The following TANC2 variants were observed in gnomAD, a reference collection of about 807,000 sequenced individuals.
TANC2 encodes the protein tetratricopeptide repeat, ankyrin repeat and coiled-coil containing 2.
TANC2 carries 26 observed loss-of-function variants against 210.5 expected under a neutral mutation model. The observed-to-expected ratio is 0.12, with a 90% CI of 0.09 to 0.17. The LOEUF is 0.17. TANC2 is among the 10% of genes least tolerant of loss of function. TANC2 has a pLI of 1.00. For missense variants in TANC2, 2,129 were observed against 2,608.9 expected (o/e 0.82, Z 4.01); for synonymous variants, 931 against 967.1 (o/e 0.96, Z 0.69).
At chr17:63,039,989 A>T in intron 2 of TANC2, among the ~76,000 whole-genome samples, 1 of 152,034 alleles carries the variant, frequency 6.6e-6, no homozygotes, top group Non-Finnish European at 1.5e-5. Flanking sequence ...TAGTTTTTAT[A>T]TTTTCTCTGT....
Position 63,418,324 on chromosome 17 carries a change from G to A in TANC2, c.4185G>A (p.Glu1395=), listed in dbSNP as rs2048927516. 1 of 1,613,272 alleles carries A rather than the reference G, an allele frequency of 6.2e-7. No individual in the cohort carries two copies. The highest frequency in any genetic ancestry group is 1.3e-5 in the African/African-American group (1 of 74,934). Residue 1395 remains glutamate (E), a synonymous_variant, in exon 27 of 28, where the codon GAG becomes GAA. Transcript: ENST00000689528. The surrounding 1 kb of genome is among the most constrained non-coding windows in gnomAD (Gnocchi z 4.6). ...AATGACAGGATTTTGGAATGGCGGA[G>A]GAATTTGCTACTAAGGCCCTGGAGC...
intron 11 of TANC2, among the ~76,000 whole-genome samples, chr17:63,335,794 C>A (rs537254340): frequency 6.6e-6 from 1 of 151,866 alleles, no homozygotes; most frequent in Admixed American, 6.6e-5. Context: ...ATAGTATTGC[C>A]AATGTTAATT....
chr17:63,426,100 C>G (rs973170370), exon 28 of TANC2: 3 of 152,406 alleles, frequency 2.0e-5, no homozygotes, highest in Non-Finnish European at 4.4e-5. Flanking sequence ...CTCGCACACC[C>G]TGCCTGTCTG....
chr17:62,984,433 T>A (rs148245849), intron 1 of TANC2, among the ~76,000 whole-genome samples: 3 of 152,222 alleles, frequency 2.0e-5, no homozygotes, highest in African/African-American at 7.2e-5. Flanking sequence ...CATTGATCTT[T>A]AGTATTTTTT....
intron 1 of TANC2, among the ~76,000 whole-genome samples, chr17:63,004,451 G>A (rs772314189): frequency 6.6e-6 from 1 of 152,138 alleles, no homozygotes; most frequent in Non-Finnish European, 1.5e-5. Flanking sequence ...CTTCCTGGGA[G>A]CCAAGAGGAA....
chr17:63,141,465 G>A (rs928468813), intron 4 of TANC2, among the ~76,000 whole-genome samples: 1 of 149,844 alleles, frequency 6.7e-6, no homozygotes, highest in African/African-American at 2.5e-5. Context: ...TACTCCAGAG[G>A]CTGAGGTGGG....
In TANC2 at chr17:63,071,139, C is replaced by CT. The variant is rs557761675; in HGVS notation, c.68-2798dup. Among the ~76,000 whole-genome samples, 13 of 152,204 alleles carry CT rather than the reference C, an allele frequency of 8.5e-5. No individual in the cohort carries two copies. The South Asian group carries it at 2.7e-3, about 32-fold the overall frequency. Reference sequence around the variant, plus strand: ...CTTACTTCTTTTCTTGTTAGAGCAGCTTTTTTCTTGAATTCCTTGTAAAGC... The same window carrying CT: ...CTTACTTCTTTTCTTGTTAGAGCAGCTTTTTTTCTTGAATTCCTTGTAAAGC... On this transcript the variant is annotated intron_variant, in intron 2 of 27. Coordinates refer to ENST00000689528, the Ensembl canonical transcript of TANC2.
chr17:63,388,631 T>C lies in TANC2; in HGVS notation c.2692-4T>C. 1 of 1,600,778 alleles carries C rather than the reference T, an allele frequency of 6.2e-7. No homozygotes were observed. Among genetic ancestry groups the C allele is most frequent in the Non-Finnish European group, 8.5e-7 (1 of 1,173,502 alleles). On this transcript the variant is annotated splice_region_variant and splice_polypyrimidine_tract_variant and intron_variant, in intron 15 of 27. Transcript: ENST00000689528. The stretch of plus-strand genomic sequence containing the variant: ...TAATTTAATTGTCTGTATTTCTTAT[T>C]CAGGGTTTGAGTAAAAAAGTTGGTG...
intron 16 of TANC2, 63 bp from the exon 17 acceptor site, chr17:63,389,245 A>G: frequency 3.1e-6 from 4 of 1,288,314 alleles, no homozygotes; most frequent in Non-Finnish European, 4.4e-6. Flanking sequence ...GGTTTAATAA[A>G]AGATGACTAA....
At chr17:63,119,495 CATT>C (rs2038379160) in intron 4 of TANC2, among the ~76,000 whole-genome samples, 1 of 152,064 alleles carries the variant, frequency 6.6e-6, no homozygotes, top group South Asian at 2.1e-4. Context: ...TTATATATGT[CATT>C]AATAACAAGA....
At chr17:63,091,017 TG>T (rs940860263) in intron 3 of TANC2, among the ~76,000 whole-genome samples, 1 of 152,130 alleles carries the variant, frequency 6.6e-6, no homozygotes, top group African/African-American at 2.4e-5. Flanking sequence ...TTTTGAGAAG[TG>T]TCTGTTCATA....
chr17:63,172,243 G>A (rs1379559808), intron 5 of TANC2, among the ~76,000 whole-genome samples: 1 of 148,072 alleles, frequency 6.8e-6, no homozygotes. Context: ...TCAGGCTGGA[G>A]TGCAATGACA....
intron 14 of TANC2, among the ~76,000 whole-genome samples, chr17:63,365,718 GT>G (rs1382126931): frequency 6.6e-6 from 1 of 151,944 alleles, no homozygotes; most frequent in Non-Finnish European, 1.5e-5. Context: ...GCACTTAACA[GT>G]TCCCTCCATC....
chr17:63,106,534 C>G (rs1385908795), intron 4 of TANC2, among the ~76,000 whole-genome samples: 1 of 151,580 alleles, frequency 6.6e-6, no homozygotes, highest in Non-Finnish European at 1.5e-5. Flanking sequence ...GGGATTCTCA[C>G]TAAACTGAGT....
chr17:62,969,500 C>A (rs1337054961), intron 1 of TANC2, among the ~76,000 whole-genome samples: 1 of 152,208 alleles, frequency 6.6e-6, no homozygotes, highest in African/African-American at 2.4e-5. Context: ...GATGTTAAGT[C>A]TGCATATATA....
intron 2 of TANC2, among the ~76,000 whole-genome samples, chr17:63,023,368 G>GTGT (rs1473467917): frequency 2.0e-5 from 3 of 151,696 alleles, no homozygotes; most frequent in African/African-American, 7.3e-5. Flanking sequence ...GTATGTGTGT[G>GTGT]TGTATGTGTG....
intron 3 of TANC2, chr17:63,088,754 T>A (rs574010737): frequency 2.0e-5 from 3 of 152,330 alleles, no homozygotes; most frequent in African/African-American, 7.2e-5. Flanking sequence ...TGAGATCTCA[T>A]GTAAGTTTTG....
At chr17:63,334,393 C>G (rs866345122) in intron 11 of TANC2, among the ~76,000 whole-genome samples, 1 of 151,926 alleles carries the variant, frequency 6.6e-6, no homozygotes, top group Non-Finnish European at 1.5e-5. Context: ...AATTGAGCAA[C>G]AAAATTAATA....
intron 4 of TANC2, among the ~76,000 whole-genome samples, chr17:63,101,098 A>G (rs914794173): frequency 1.3e-5 from 2 of 152,214 alleles, no homozygotes; most frequent in Admixed American, 1.3e-4. Context: ...AGCAGATGAT[A>G]AGAATTGTCT....
Sources: gnomAD v4.1 joint callset for allele counts (sites outside exome capture counted in the v4.1 genomes callset) on GRCh38, gnomAD v4.1.1 for gene constraint, Gnocchi (gnomAD v3.1) non-coding constraint, MANE v1.5 for transcripts, NCBI Gene and HGNC (gene_info 2026-07-23, HGNC 2026-07-21) for gene names.